Variants in MYO9A observed in about 807,000 individuals in gnomAD.
MYO9A encodes unconventional myosin-IXa.
In MYO9A, 103 loss-of-function variants were observed where a neutral mutation model predicts 293.3. That is an observed-to-expected ratio of 0.35 (90% CI 0.30 to 0.41). The LOEUF is 0.41. MYO9A is among the 10% of genes least tolerant of loss of function. The pLI, the probability that MYO9A is intolerant of heterozygous loss-of-function variation, is 1.00. For synonymous variants in MYO9A, 1,001 were observed against 1,035.7 expected (o/e 0.97, Z 0.64); for missense variants, 2,685 against 3,033.0 (o/e 0.89, Z 2.69).
At chr15:71,873,659 C>T (rs552228231) in intron 32 of MYO9A, among the ~76,000 whole-genome samples, 1 of 152,136 alleles carries the variant, frequency 6.6e-6, no homozygotes, top group Admixed American at 6.5e-5. Flanking sequence ...ATCACTGTTA[C>T]TTCACTTTAA....
chr15:72,039,488 GATTTAAAT>G (rs1257261358), intron 2 of MYO9A, among the ~76,000 whole-genome samples: 1 of 151,866 alleles, frequency 6.6e-6, no homozygotes, highest in Non-Finnish European at 1.5e-5. Context: ...AACCAGATAG[GATTTAAAT>G]ATTTACAAAC....
chr15:72,055,500 C>A (rs2078693656), intron 1 of MYO9A, among the ~76,000 whole-genome samples: 1 of 151,776 alleles, frequency 6.6e-6, no homozygotes, highest in South Asian at 2.1e-4. Context: ...AGCCTTTGCA[C>A]AGAAAAAGAA....
At chr15:72,104,272 A>G (rs1162207985) in intron 1 of MYO9A, among the ~76,000 whole-genome samples, 3 of 152,214 alleles carry the variant, frequency 2.0e-5, no homozygotes, top group Non-Finnish European at 2.9e-5. Flanking sequence ...CATTTAAGGA[A>G]GGCTAAGCTA....
intron 1 of MYO9A, among the ~76,000 whole-genome samples, chr15:72,085,693 G>A (rs1040473540): frequency 2.0e-5 from 3 of 152,196 alleles, no homozygotes; most frequent in African/African-American, 7.2e-5. Context: ...AGAAAAGAAG[G>A]CACTCTGGCT....
At chr15:71,848,180 A>T (rs2055473679) in intron 39 of MYO9A, among the ~76,000 whole-genome samples, 1 of 150,962 alleles carries the variant, frequency 6.6e-6, no homozygotes. Context: ...TATATGGATA[A>T]CTCCAGTTCT....
chr15:71,916,300 C>T lies in MYO9A; in HGVS notation c.2685+70G>A, dbSNP rs968252244. On this transcript the variant is annotated intron_variant, in intron 19 of 41. Coordinates refer to ENST00000356056, the MANE Select transcript of MYO9A (RefSeq NM_006901.4). ...AATCCCATTCAAGTACCCTGCAGATCACTTTAACCTTTCAATGACAATCTG... is the reference window on the plus strand; with the variant it reads ...AATCCCATTCAAGTACCCTGCAGATTACTTTAACCTTTCAATGACAATCTG... 5.1e-5 allele frequency: 78 copies of T among 1,528,354 alleles called. No homozygotes were observed. In the African/African-American group the frequency reaches 1.1e-3, roughly 21 times the overall value. The allele number at this position is 1,528,354 out of a possible 1,614,324, so 94.7% of individuals were successfully genotyped here.
At chr15:71,970,308 A>G (rs921861964) in intron 12 of MYO9A, among the ~76,000 whole-genome samples, 7 of 152,190 alleles carry the variant, frequency 4.6e-5, no homozygotes, top group African/African-American at 1.2e-4. Context: ...GAATCTAGCT[A>G]AAGTAACCTG....
chr15:71,865,523 A>G (rs2056293102), intron 32 of MYO9A, among the ~76,000 whole-genome samples: 1 of 152,198 alleles, frequency 6.6e-6, no homozygotes, highest in Non-Finnish European at 1.5e-5. Flanking sequence ...CCTTGAAAAC[A>G]TTATGCTAAG....
At chr15:72,028,200 A>AAAATAAAT (rs1200604767) in intron 3 of MYO9A, among the ~76,000 whole-genome samples, 1 of 109,758 alleles carries the variant, frequency 9.1e-6, no homozygotes, top group Non-Finnish European at 1.8e-5. Context: ...CTGTCTCAAA[A>AAAATAAAT]AAATAAATAA....
chr15:72,098,265 T>A (rs1312145513), intron 1 of MYO9A, among the ~76,000 whole-genome samples: 1 of 151,642 alleles, frequency 6.6e-6, no homozygotes, highest in African/African-American at 2.4e-5. Context: ...GACCATGCCC[T>A]GACAACAGTT....
chr15:72,058,594 T>G (rs2078789377), intron 1 of MYO9A, among the ~76,000 whole-genome samples: 1 of 152,206 alleles, frequency 6.6e-6, no homozygotes, highest in Non-Finnish European at 1.5e-5. Context: ...TTACTGGCAT[T>G]TATATAGCAA....
At chr15:72,020,037 C>T (rs752386828) in intron 5 of MYO9A, among the ~76,000 whole-genome samples, 8 of 152,164 alleles carry the variant, frequency 5.3e-5, no homozygotes, top group Non-Finnish European at 1.0e-4. Context: ...CAGGTGTGAG[C>T]CACTGCACTC....
chr15:71,849,369 A>C (rs995396870), intron 38 of MYO9A, among the ~76,000 whole-genome samples: 1 of 152,116 alleles, frequency 6.6e-6, no homozygotes, highest in Non-Finnish European at 1.5e-5. Flanking sequence ...GAATCGCTTA[A>C]ACCTGGGAGG....
intron 15 of MYO9A, 113 bp from the exon 16 acceptor site, chr15:71,939,040 T>A: frequency 1.4e-6 from 1 of 697,328 alleles, no homozygotes; most frequent in Admixed American, 3.0e-5. Flanking sequence ...GCTAAATATT[T>A]CAGAAATATC....
chr15:72,099,988 T>C (rs1161066412), intron 1 of MYO9A, among the ~76,000 whole-genome samples: 1 of 149,272 alleles, frequency 6.7e-6, no homozygotes, highest in Non-Finnish European at 1.5e-5. Context: ...AATAACAGAT[T>C]AGGGTAATCC....
intron 12 of MYO9A, among the ~76,000 whole-genome samples, chr15:71,974,874 T>C (rs12595228): frequency 0.2 from 29,949 of 152,198 alleles, 3,228 homozygotes; most frequent in East Asian, 0.41. Flanking sequence ...CAATTCTTAA[T>C]GTGCCTTCCA....
chr15:71,840,452 A>C (rs2140982581), intron 39 of MYO9A, among the ~76,000 whole-genome samples: 1 of 152,160 alleles, frequency 6.6e-6, no homozygotes, highest in East Asian at 1.9e-4. Flanking sequence ...AGTGGAGCCC[A>C]TGGTAGTCAT....
At chr15:71,875,093 CA>C in intron 32 of MYO9A, among the ~76,000 whole-genome samples, 1 of 151,902 alleles carries the variant, frequency 6.6e-6, no homozygotes, top group Non-Finnish European at 1.5e-5. Flanking sequence ...TGTAATTGCA[CA>C]AATTATCATA....
chr15:72,113,781 C>G (rs1463950948), intron 1 of MYO9A, among the ~76,000 whole-genome samples: 1 of 152,100 alleles, frequency 6.6e-6, no homozygotes, highest in Non-Finnish European at 1.5e-5. Flanking sequence ...GTGACATAAC[C>G]TAAGTACACA....
Sources: gnomAD v4.1 joint callset for allele counts (sites outside exome capture counted in the v4.1 genomes callset) on GRCh38, gnomAD v4.1.1 for gene constraint, MANE v1.5 for transcripts, NCBI Gene and HGNC (gene_info 2026-07-23, HGNC 2026-07-21) for gene names.